Variants in CAMK2D observed in about 807,000 individuals in gnomAD.
CAMK2D encodes the protein calcium/calmodulin dependent protein kinase II delta.
In CAMK2D, 37 loss-of-function variants were observed where a neutral mutation model predicts 84.0. The observed-to-expected ratio is 0.44, with a 90% CI of 0.34 to 0.58. The LOEUF is 0.58. CAMK2D is among the 20% of genes least tolerant of loss of function. The pLI, the probability that CAMK2D is intolerant of heterozygous loss-of-function variation, is 0.02. For missense variants in CAMK2D, 448 were observed against 652.5 expected (o/e 0.69, Z 3.41); for synonymous variants, 202 against 212.5 (o/e 0.95, Z 0.43).
At chr4:113,724,439 G>C (rs2099540093) in intron 2 of CAMK2D, among the ~76,000 whole-genome samples, 1 of 151,206 alleles carries the variant, frequency 6.6e-6, no homozygotes, top group South Asian at 2.1e-4. Context: ...TTATTACATG[G>C]TGCTTTCATT....
chr4:113,701,635 G>A (rs577971849), intron 2 of CAMK2D, among the ~76,000 whole-genome samples: 4 of 152,306 alleles, frequency 2.6e-5, no homozygotes, highest in East Asian at 1.9e-4. Context: ...GGGCCACCCT[G>A]GGAAAGTTAT....
At chr4:113,756,524 A>C (rs1019816841) in intron 2 of CAMK2D, among the ~76,000 whole-genome samples, 3 of 152,006 alleles carry the variant, frequency 2.0e-5, no homozygotes, top group Non-Finnish European at 4.4e-5. Flanking sequence ...TTCTTTCTAC[A>C]TTTGCCTTTG....
At chr4:113,689,767 C>G (rs1052792085) in intron 2 of CAMK2D, among the ~76,000 whole-genome samples, 1 of 152,146 alleles carries the variant, frequency 6.6e-6, no homozygotes, top group Admixed American at 6.5e-5. Context: ...ATAGCACTTA[C>G]TACAATCTGA....
chr4:113,756,198 G>T (rs1454472026), intron 2 of CAMK2D, among the ~76,000 whole-genome samples: 1 of 152,026 alleles, frequency 6.6e-6, no homozygotes, highest in Non-Finnish European at 1.5e-5. Flanking sequence ...ACAGAAAAAT[G>T]CCTGGTTGAT....
chr4:113,460,694 T>C (rs538009634), intron 17 of CAMK2D, among the ~76,000 whole-genome samples: 1 of 149,732 alleles, frequency 6.7e-6, no homozygotes, highest in South Asian at 2.1e-4. Flanking sequence ...TAATAATTAT[T>C]ATTATTTTTG....
chr4:113,513,352 T>C lies in CAMK2D; in HGVS notation c.922A>G (p.Met308Val). ...CCTGAGAAATTCCTTGTAGCCAGCA[T>C]AGTTGTCAAGATGGCACCCTGTGAA... Reference protein sequence around the residue: ...RKLKGAILTTMLATRNFSAAK... With the variant: ...RKLKGAILTTVLATRNFSAAK... Residue 308 changes from methionine (M) to valine (V), a missense_variant, in exon 12 of 21, where the codon ATG (methionine) becomes GTG (valine). Around this residue, in one of 7 missense-constraint regions of CAMK2D, gnomAD observed 69 missense variants for 175.6 expected, o/e 0.39. Coordinates refer to ENST00000511664, the MANE Select transcript of CAMK2D (RefSeq NM_001321571.2). 1.2e-6 allele frequency: 2 copies of C among 1,613,338 alleles called. No individual in the cohort carries two copies. Among genetic ancestry groups the C allele is most frequent in the Non-Finnish European group, 1.7e-6 (2 of 1,179,270 alleles).
intron 2 of CAMK2D, among the ~76,000 whole-genome samples, chr4:113,749,267 C>T (rs747056005): frequency 1.4e-5 from 2 of 147,052 alleles, no homozygotes; most frequent in African/African-American, 2.5e-5. Flanking sequence ...CCCGCCCCCC[C>T]CACCCAGTGT....
At chr4:113,710,295 T>C (rs1593377505) in intron 2 of CAMK2D, among the ~76,000 whole-genome samples, 1 of 152,122 alleles carries the variant, frequency 6.6e-6, no homozygotes. Flanking sequence ...TAGAGGATAT[T>C]CATATCAGGT....
At chr4:113,737,338 T>G (rs573130716) in intron 2 of CAMK2D, among the ~76,000 whole-genome samples, 4 of 152,110 alleles carry the variant, frequency 2.6e-5, no homozygotes, top group Non-Finnish European at 5.9e-5. Flanking sequence ...TGACACACAC[T>G]ACAATATGAA....
intron 12 of CAMK2D, among the ~76,000 whole-genome samples, chr4:113,511,252 A>G (rs150668537): frequency 6.6e-6 from 1 of 152,046 alleles, no homozygotes; most frequent in Non-Finnish European, 1.5e-5. Context: ...AGTATCAAGT[A>G]CAAGATGTTG....
intron 2 of CAMK2D, among the ~76,000 whole-genome samples, chr4:113,689,116 G>T (rs190493542): frequency 1.5e-4 from 23 of 151,988 alleles, no homozygotes; most frequent in Non-Finnish European, 2.8e-4. Flanking sequence ...CATGGTGGCA[G>T]GCACCTGTAG....
rs2099640324 is a variant in CAMK2D, at chr4:113,761,032, C to T, written c.37G>A (p.Glu13Lys). Residue 13 changes from glutamate to lysine, a missense_variant, in exon 1 of 21, where the codon GAG becomes AAG. Coordinates refer to ENST00000511664, the MANE Select transcript of CAMK2D (RefSeq NM_001321571.2). ...STTTCTRFTD[E>K]YQLFEELGKG... Reference sequence around the variant, plus strand: ...CCAAGCTCCTCGAAAAGCTGATACTCGTCCGTGAACCTGGTGCAGGTTGTG... The same window carrying T: ...CCAAGCTCCTCGAAAAGCTGATACTTGTCCGTGAACCTGGTGCAGGTTGTG... The T allele has an allele frequency of 1.9e-6, 3 of 1,614,094 alleles. No individual in the cohort carries two copies. Among genetic ancestry groups the T allele is most frequent in the Non-Finnish European group, 1.7e-6 (2 of 1,180,044 alleles).
At chr4:113,495,171 T>C (rs1266083607) in intron 16 of CAMK2D, among the ~76,000 whole-genome samples, 2 of 152,178 alleles carry the variant, frequency 1.3e-5, no homozygotes, top group East Asian at 1.9e-4. Context: ...CTCCCCCCAG[T>C]AATTTTTCTA....
chr4:113,746,257 T>C (rs2099603879), intron 2 of CAMK2D, among the ~76,000 whole-genome samples: 1 of 152,242 alleles, frequency 6.6e-6, no homozygotes, highest in African/African-American at 2.4e-5. Flanking sequence ...TTTCTAAGTT[T>C]AGATTTATTT....
At chr4:113,704,545 T>C (rs1288712321) in intron 2 of CAMK2D, among the ~76,000 whole-genome samples, 2 of 152,278 alleles carry the variant, frequency 1.3e-5, no homozygotes, top group Admixed American at 6.5e-5. Context: ...TTAAATCCCA[T>C]TAGTACTGTG....
chr4:113,675,636 A>G (rs957348403), intron 2 of CAMK2D, among the ~76,000 whole-genome samples: 1 of 152,184 alleles, frequency 6.6e-6, no homozygotes, highest in Non-Finnish European at 1.5e-5. Context: ...CTGATTAAAA[A>G]GTTCATCTCT....
intron 6 of CAMK2D, among the ~76,000 whole-genome samples, chr4:113,537,789 G>A (rs1253929426): frequency 6.6e-6 from 1 of 152,140 alleles, no homozygotes; most frequent in Non-Finnish European, 1.5e-5. Context: ...TGACTTAGAA[G>A]CCTAACAGAG....
At chr4:113,553,381 T>C (rs1055311820) in intron 4 of CAMK2D, among the ~76,000 whole-genome samples, 3 of 152,210 alleles carry the variant, frequency 2.0e-5, no homozygotes, top group Non-Finnish European at 2.9e-5. Flanking sequence ...AGTAAAGGTA[T>C]AGAGCTTCAT....
At chr4:113,480,892 C>T (rs909600380) in intron 16 of CAMK2D, among the ~76,000 whole-genome samples, 1 of 152,082 alleles carries the variant, frequency 6.6e-6, no homozygotes, top group Non-Finnish European at 1.5e-5. Context: ...ATTCCTTCTG[C>T]CATGTGAAGA....
Sources: gnomAD v4.1 joint callset for allele counts (sites outside exome capture counted in the v4.1 genomes callset) on GRCh38, gnomAD v4.1.1 for gene constraint, gnomAD v4.1.1 regional missense constraint, MANE v1.5 for transcripts, NCBI Gene and HGNC (gene_info 2026-07-23, HGNC 2026-07-21) for gene names.